Variants in AASDH observed in about 807,000 individuals in gnomAD.
The protein encoded by AASDH is beta-alanine-activating enzyme.
AASDH carries 81 observed loss-of-function variants against 102.3 expected under a neutral mutation model. The observed-to-expected ratio is 0.79, with a 90% CI of 0.66 to 0.95. The LOEUF (loss-of-function observed/expected upper bound fraction) is 0.95. AASDH is among the 40% of genes least tolerant of loss of function. AASDH has a pLI of 0.00. For missense variants in AASDH, 1,203 were observed against 1,266.2 expected (o/e 0.95, Z 0.76); for synonymous variants, 398 against 454.0 (o/e 0.88, Z 1.57).
At chr4:56,385,188 GAAGA>G (rs1489556969) in intron 1 of AASDH, among the ~76,000 whole-genome samples, 2 of 152,076 alleles carry the variant, frequency 1.3e-5, no homozygotes, top group East Asian at 1.9e-4. Context: ...ATCTTTGACA[GAAGA>G]AAGCAAAAAA....
rs560635112 is a variant in AASDH, at chr4:56,349,587, A to G, written c.2164T>C (p.Leu722=). The G allele has an allele frequency of 2.5e-6, 4 of 1,614,230 alleles. No individual in the cohort carries two copies. The South Asian group carries it at 4.4e-5, about 18-fold the overall frequency. ...SQTNIQNLKG[L]NSPVLIGKSK... The stretch of plus-strand genomic sequence containing the variant: ...TTCCCAATAAGAACTGGAGAATTTA[A>G]GCCTTTCAAATTTTGAATGTTGGTC... Residue 722 remains leucine, a synonymous_variant, in exon 11 of 15, where the codon TTA becomes CTA. Transcript: ENST00000205214.
chr4:56,348,506 T>C (rs56753336), intron 11 of AASDH, among the ~76,000 whole-genome samples: 2,418 of 152,226 alleles, frequency 0.016, 73 homozygotes, highest in African/African-American at 0.055. Flanking sequence ...CTGTCCACCT[T>C]GGCCTCTCAA....
rs367857385 is a variant in AASDH, at chr4:56,384,111, G to A, written c.189C>T (p.Leu63=). ...CDFQGIREIG[L]YCQPGIDLPS... is the part of the protein sequence containing the mutation. ...GTAAGTCTATCCCAGGTTGGCAGTA[G>A]AGACCAATTTCCCGAATTCCTTGAA... The change falls in exon 2 of 15, where the codon CTC becomes CTT. Residue 63 remains leucine, a synonymous_variant. Coordinates refer to ENST00000205214, the MANE Select transcript of AASDH (RefSeq NM_181806.4). The A allele has an allele frequency of 6.2e-7, 1 of 1,614,162 alleles. No homozygotes were observed. Among genetic ancestry groups the A allele is most frequent in the Admixed American group, 1.7e-5 (1 of 60,024 alleles).
chr4:56,386,554 G>C (rs988068788), intron 1 of AASDH, among the ~76,000 whole-genome samples: 3 of 151,970 alleles, frequency 2.0e-5, no homozygotes, highest in African/African-American at 4.8e-5. Context: ...AGCACTTTGG[G>C]AGGCCGAGGC....
chr4:56,356,857 G>C (rs1223402107), intron 5 of AASDH: 1 of 902,942 alleles, frequency 1.1e-6, no homozygotes, highest in African/African-American at 1.6e-5. Flanking sequence ...CAATGTCCTG[G>C]CTCCCAAGTC....
Position 56,384,151 on chromosome 4 carries a change from A to G in AASDH, c.149T>C (p.Leu50Pro), listed in dbSNP as rs1438969650. 1 of 1,614,090 alleles carries G rather than the reference A, an allele frequency of 6.2e-7. No individual in the cohort carries two copies. The highest frequency in any genetic ancestry group is 8.5e-7 in the Non-Finnish European group (1 of 1,180,036). ...NAASELSNFL[L>P]LHCDFQGIRE... is the part of the protein sequence containing the mutation. ...AATTCCTTGAAAGTCACAGTGTAAC[A>G]GCAGAAAATTTGATAATTCAGAAGC... Residue 50 changes from leucine to proline, a missense_variant, in exon 2 of 15, where the codon CTG becomes CCG. Physicochemically the swap from Leu to Pro is moderately conservative, Grantham distance 98 (BLOSUM62 -3). Transcript: ENST00000205214.
chr4:56,351,418 T>A lies in AASDH; in HGVS notation c.1616A>T (p.Asn539Ile). 1 of 1,600,896 alleles carries A rather than the reference T, an allele frequency of 6.2e-7. No individual in the cohort carries two copies. The change falls in exon 10 of 15, where the codon AAC becomes ATC. Residue 539 changes from asparagine to isoleucine, a missense_variant. Asn to Ile is a moderately radical substitution (Grantham distance 149). Transcript: ENST00000205214. ...DVSELNKIYLNYINLKSENKL... is the reference protein window; with the variant it reads ...DVSELNKIYLIYINLKSENKL... The stretch of plus-strand genomic sequence containing the variant: ...ATTCTCAGACTTCAAGTTTATGTAG[T>A]TTAAATATATCTTGTTTAACTCAGA...
chr4:56,354,637 G>A (rs1749383684), intron 7 of AASDH, 68 bp downstream of exon 7: 3 of 1,143,656 alleles, frequency 2.6e-6, no homozygotes, highest in Admixed American at 2.3e-5. Context: ...AAGACGAAAG[G>A]AATAAAATTA....
At chr4:56,348,238 G>A (rs1748550388) in intron 11 of AASDH, among the ~76,000 whole-genome samples, 1 of 150,366 alleles carries the variant, frequency 6.7e-6, no homozygotes, top group Non-Finnish European at 1.5e-5. Context: ...CCTTGAATGT[G>A]GCCTGAACTG....
At chr4:56,347,786 C>T (rs548365002) in intron 11 of AASDH, among the ~76,000 whole-genome samples, 1 of 152,222 alleles carries the variant, frequency 6.6e-6, no homozygotes, top group East Asian at 1.9e-4. Context: ...CCTAGCAATG[C>T]ACCAATTGAT....
chr4:56,349,595 A>G lies in AASDH; in HGVS notation c.2156T>C (p.Leu719Ser), dbSNP rs1748743208. ...AAGAACTGGAGAATTTAAGCCTTTCAAATTTTGAATGTTGGTCTGTGAAAC... is the reference window on the plus strand; with the variant it reads ...AAGAACTGGAGAATTTAAGCCTTTCGAATTTTGAATGTTGGTCTGTGAAAC... ...DSVSQTNIQNLKGLNSPVLIG... is the reference protein window; with the variant it reads ...DSVSQTNIQNSKGLNSPVLIG... The change falls in exon 11 of 15, where the codon TTG (leucine) becomes TCG (serine). Residue 719 changes from leucine to serine, a missense_variant. Transcript: ENST00000205214. 1.9e-6 allele frequency: 3 copies of G among 1,614,196 alleles called. No individual in the cohort carries two copies.
chr4:56,370,061 G>C (rs570396406), intron 5 of AASDH, among the ~76,000 whole-genome samples: 2 of 151,834 alleles, frequency 1.3e-5, no homozygotes, highest in East Asian at 3.9e-4. Flanking sequence ...CCTCAAATTT[G>C]TATGTTGAAA....
intron 5 of AASDH, 99 bp from the exon 6 acceptor site, chr4:56,355,522 T>A: frequency 8.7e-7 from 1 of 1,155,732 alleles, no homozygotes; most frequent in Non-Finnish European, 1.2e-6. Context: ...GGAGCCCACA[T>A]GGAAATGAAG....
intron 3 of AASDH, 78 bp downstream of exon 3, chr4:56,382,399 C>G (rs116321039): frequency 1.2e-3 from 1,635 of 1,368,780 alleles, no homozygotes; most frequent in Non-Finnish European, 1.6e-3. Flanking sequence ...CTTAGGAATC[C>G]AGATGGGAGA....
chr4:56,343,813 T>TTTATACTA (rs1747996468), intron 12 of AASDH, 129 bp from the exon 13 acceptor site: 1 of 888,186 alleles, frequency 1.1e-6, no homozygotes, highest in South Asian at 2.5e-5. Flanking sequence ...ACATGCCTAC[T>TTTATACTA]GTGGAGAATC....
chr4:56,348,630 T>C (rs1225049785), intron 11 of AASDH, among the ~76,000 whole-genome samples: 2 of 152,112 alleles, frequency 1.3e-5, no homozygotes, highest in Non-Finnish European at 2.9e-5. Context: ...TCATAAAAGG[T>C]ACTCTGTTCC....
intron 3 of AASDH, 110 bp from the exon 4 acceptor site, chr4:56,378,574 G>A: frequency 1.0e-6 from 1 of 991,518 alleles, no homozygotes; most frequent in Non-Finnish European, 1.5e-6. Context: ...TGGGGGAATT[G>A]GTTCTAGGAT....
intron 5 of AASDH, among the ~76,000 whole-genome samples, chr4:56,362,785 T>C (rs1270758521): frequency 1.3e-5 from 2 of 152,094 alleles, no homozygotes; most frequent in Non-Finnish European, 2.9e-5. Context: ...TAGGAGCAGC[T>C]CCAGTCTACA....
In AASDH at chr4:56,343,570, C is replaced by T. The variant is rs758389163; in HGVS notation, c.2767G>A (p.Val923Ile). ...TATTATTTTATGCCTACAGGATTTA[C>T]AGCCAGTAAAAGTCCTCCCAATGTA... Reference protein sequence around the residue: ...FATLGGLLLAVNPATGNVIWK... With the variant: ...FATLGGLLLAINPATGNVIWK... Residue 923 changes from valine (V) to isoleucine (I), a missense_variant, in exon 13 of 15, where the codon GTA becomes ATA. Transcript: ENST00000205214. 3 of 1,605,628 alleles carry T rather than the reference C, an allele frequency of 1.9e-6. No individual in the cohort carries two copies. The highest frequency in any genetic ancestry group is 1.7e-6 in the Non-Finnish European group (2 of 1,175,506).
Sources: allele counts gnomAD v4.1 joint callset (sites outside exome capture counted in the v4.1 genomes callset), GRCh38; gene constraint gnomAD v4.1.1; transcripts MANE v1.5; gene names NCBI Gene and HGNC (gene_info 2026-07-23, HGNC 2026-07-21).